LYPD6B: variants seen among roughly 807,000 people sequenced by gnomAD.
LYPD6B encodes the protein ly6/PLAUR domain-containing protein 6B.
LYPD6B carries 17 observed loss-of-function variants against 22.8 expected under a neutral mutation model. That is an observed-to-expected ratio of 0.75 (90% CI 0.51 to 1.12). The LOEUF is 1.12. LYPD6B is among the 50% of genes most tolerant of loss of function. The pLI is 0.00. For missense variants in LYPD6B, 221 were observed against 258.3 expected, an observed-to-expected ratio of 0.86 and a Z score of 0.99; for synonymous variants, 106 against 91.6, an observed-to-expected ratio of 1.16 and a Z score of -0.90.
intron 1 of LYPD6B, among the ~76,000 whole-genome samples, chr2:149,077,029 A>C (rs1684912215): frequency 6.6e-6 from 1 of 152,168 alleles, no homozygotes; most frequent in African/African-American, 2.4e-5. Context: ...CCGCAGCCCC[A>C]CATGCACTCC....
intron 2 of LYPD6B, among the ~76,000 whole-genome samples, chr2:149,152,518 A>C (rs1689444650): frequency 6.6e-6 from 1 of 152,214 alleles, no homozygotes; most frequent in Non-Finnish European, 1.5e-5. Context: ...GTTGCTAAGA[A>C]CTGGGAAGTT....
intron 2 of LYPD6B, among the ~76,000 whole-genome samples, chr2:149,147,936 G>GTGTGTGTGTGTA (rs1359319301): frequency 1.3e-5 from 2 of 151,970 alleles, no homozygotes; most frequent in African/African-American, 4.8e-5. Flanking sequence ...GTGTGTGTGT[G>GTGTGTGTGTGTA]TGTGTATAGT....
At chr2:149,077,041 G>A (rs1323460797) in intron 1 of LYPD6B, among the ~76,000 whole-genome samples, 2 of 152,196 alleles carry the variant, frequency 1.3e-5, no homozygotes, top group Non-Finnish European at 2.9e-5. Flanking sequence ...ATGCACTCCT[G>A]GTATTTGTAA....
chr2:149,170,070 C>T (rs1169578609), intron 3 of LYPD6B, among the ~76,000 whole-genome samples: 1 of 152,162 alleles, frequency 6.6e-6, no homozygotes, highest in East Asian at 1.9e-4. Flanking sequence ...AGGTCTTCAG[C>T]CATGTCTCTA....
At chr2:149,185,792 G>T (rs540485207) in intron 3 of LYPD6B, among the ~76,000 whole-genome samples, 1 of 152,224 alleles carries the variant, frequency 6.6e-6, no homozygotes, top group Non-Finnish European at 1.5e-5. Flanking sequence ...ATCACATTTT[G>T]GTACTTCTCA....
At position 149,156,344 on chromosome 2, in the gene LYPD6B, GTC is replaced by G. The variant is rs529304757; in HGVS notation, c.6-4419_6-4418del. Among the ~76,000 whole-genome samples the G allele has an allele frequency of 4.1e-3, 622 of 152,256 alleles. 4 individuals carry two copies. The highest frequency in any genetic ancestry group is 7.0e-3 in the Non-Finnish European group (473 of 68,012). The stretch of plus-strand genomic sequence containing the variant: ...GAATGACAGTGAGGTCCTTGAGTAG[GTC>G]ACAGAGTGTCCCCGTGACCTTTCCA... On this transcript the variant is annotated intron_variant, in intron 2 of 6. Coordinates refer to ENST00000409642, the MANE Select transcript of LYPD6B (RefSeq NM_177964.5).
At chr2:149,066,449 A>G (rs1220804808) in intron 1 of LYPD6B, among the ~76,000 whole-genome samples, 1 of 151,194 alleles carries the variant, frequency 6.6e-6, no homozygotes, top group East Asian at 2.0e-4. Context: ...TCCTTGGGAT[A>G]GTTTGCTGAG....
At chr2:149,098,627 C>CAAAAAAAAAAAAAAAAAA (rs1285429577) in intron 1 of LYPD6B, among the ~76,000 whole-genome samples, 1 of 83,488 alleles carries the variant, frequency 1.2e-5, no homozygotes, top group Non-Finnish European at 2.4e-5. Flanking sequence ...AACTCTGTCT[C>CAAAAAAAAAAAAAAAAAA]AAAAAAAAAA....
intron 3 of LYPD6B, among the ~76,000 whole-genome samples, chr2:149,202,660 AC>A (rs1443097607): frequency 1.3e-5 from 2 of 152,106 alleles, no homozygotes; most frequent in East Asian, 3.9e-4. Context: ...TAGAGTCAAG[AC>A]CTTGTTGGGG....
At chr2:149,092,080 C>A (rs904458675) in intron 1 of LYPD6B, among the ~76,000 whole-genome samples, 1 of 151,744 alleles carries the variant, frequency 6.6e-6, no homozygotes, top group Non-Finnish European at 1.5e-5. Context: ...GCCTAATAGA[C>A]TGGGAGAAAT....
At chr2:149,068,357 T>G (rs1417456150) in intron 1 of LYPD6B, among the ~76,000 whole-genome samples, 1 of 152,188 alleles carries the variant, frequency 6.6e-6, no homozygotes, top group East Asian at 1.9e-4. Flanking sequence ...TTGATACAAC[T>G]TACCATTGAG....
chr2:149,166,032 G>T (rs1318209657), intron 3 of LYPD6B, among the ~76,000 whole-genome samples: 1 of 152,192 alleles, frequency 6.6e-6, no homozygotes, highest in Non-Finnish European at 1.5e-5. Context: ...CTGGGGGTAG[G>T]GGTGGAGGTA....
chr2:149,187,319 G>A lies in LYPD6B; in HGVS notation c.78-17934G>A, dbSNP rs6760155. The A allele has an allele frequency of 3.2e-3, 3,745 of 1,168,172 alleles. 78 individuals are homozygous for A. In the African/African-American group the frequency reaches 0.052, roughly 16 times the overall value. The allele number at this position is 1,168,172 out of a possible 1,614,324, so 72.4% of individuals were successfully genotyped here. On this transcript the variant is annotated intron_variant, in intron 3 of 6. Coordinates refer to ENST00000409642, the MANE Select transcript of LYPD6B (RefSeq NM_177964.5). ...ATTTGAATAATGCACTAAATGAAGT[G>A]TATTGCATATATTTAATTATTTATG...
At chr2:149,107,068 C>T (rs1013469726) in intron 1 of LYPD6B, among the ~76,000 whole-genome samples, 2 of 152,056 alleles carry the variant, frequency 1.3e-5, no homozygotes, top group African/African-American at 4.8e-5. Flanking sequence ...AAGAGATTAA[C>T]AACAATAACT....
intron 2 of LYPD6B, among the ~76,000 whole-genome samples, chr2:149,134,961 A>G (rs1336563155): frequency 6.6e-6 from 1 of 152,216 alleles, no homozygotes; most frequent in Non-Finnish European, 1.5e-5. Context: ...GATTATTTGT[A>G]GGGCCGGGCA....
At chr2:149,181,887 T>G (rs554479472) in intron 3 of LYPD6B, among the ~76,000 whole-genome samples, 1 of 152,300 alleles carries the variant, frequency 6.6e-6, no homozygotes, top group African/African-American at 2.4e-5. Flanking sequence ...AATTCTTCTT[T>G]CTTCTCCCTC....
intron 3 of LYPD6B, among the ~76,000 whole-genome samples, chr2:149,204,263 C>T (rs1559076749): frequency 6.6e-6 from 1 of 152,146 alleles, no homozygotes; most frequent in Non-Finnish European, 1.5e-5. Flanking sequence ...AAGAGCTTGC[C>T]CAAGGTCAGG....
intron 1 of LYPD6B, among the ~76,000 whole-genome samples, chr2:149,092,717 C>T (rs925680379): frequency 1.3e-5 from 2 of 152,178 alleles, no homozygotes; most frequent in Non-Finnish European, 2.9e-5. Flanking sequence ...TTCTTGCTAA[C>T]TTCAATATGT....
At chr2:149,151,688 G>A (rs951389506) in intron 2 of LYPD6B, among the ~76,000 whole-genome samples, 2 of 152,184 alleles carry the variant, frequency 1.3e-5, no homozygotes. Flanking sequence ...GTTGGAGAAT[G>A]GAGAAGTGTT....
Sources: allele counts gnomAD v4.1 joint callset (sites outside exome capture counted in the v4.1 genomes callset), GRCh38; gene constraint gnomAD v4.1.1; transcripts MANE v1.5; gene names NCBI Gene and HGNC (gene_info 2026-07-23, HGNC 2026-07-21).